Variants in AKAP7 observed in about 807,000 individuals in gnomAD.
AKAP7 encodes the protein A-kinase anchoring protein 7, also known as A kinase (PRKA) anchor protein 7.
AKAP7 carries 39 observed loss-of-function variants against 39.5 expected under a neutral mutation model. The observed-to-expected ratio is 0.99, with a 90% CI of 0.76 to 1.29. The LOEUF (loss-of-function observed/expected upper bound fraction) is 1.29. AKAP7 is among the 50% of genes most tolerant of loss of function. AKAP7 has a pLI of 0.00. For synonymous variants in AKAP7, 140 were observed against 139.1 expected (o/e 1.01, Z -0.05); for missense variants, 414 against 407.7 (o/e 1.02, Z -0.13).
intron 5 of AKAP7, among the ~76,000 whole-genome samples, chr6:131,173,030 C>G (rs1291704488): frequency 6.6e-6 from 1 of 151,584 alleles, no homozygotes; most frequent in African/African-American, 2.4e-5. Flanking sequence ...ATGGTGAAAC[C>G]CCGTCTCTAT....
chr6:131,219,479 G>C (rs1372092136), intron 6 of AKAP7, among the ~76,000 whole-genome samples, 182 bp from the exon 7 acceptor site: 1 of 152,000 alleles, frequency 6.6e-6, no homozygotes, highest in African/African-American at 2.4e-5. Flanking sequence ...ACTCCTTCTA[G>C]GTAGGGAGAC....
At chr6:131,252,347 C>T (rs1301493397) in intron 7 of AKAP7, among the ~76,000 whole-genome samples, 2 of 152,108 alleles carry the variant, frequency 1.3e-5, no homozygotes, top group African/African-American at 4.8e-5. Context: ...CATTTGCACC[C>T]CTGCCCCCAT....
intron 3 of AKAP7, among the ~76,000 whole-genome samples, chr6:131,160,696 C>A (rs1338443478): frequency 1.3e-5 from 2 of 152,182 alleles, no homozygotes; most frequent in Non-Finnish European, 2.9e-5. Flanking sequence ...ACTGGGGTTT[C>A]TTGCTGCTTA....
chr6:131,231,985 G>T (rs554707460), intron 7 of AKAP7, among the ~76,000 whole-genome samples: 6 of 152,142 alleles, frequency 3.9e-5, no homozygotes, highest in Non-Finnish European at 8.8e-5. Context: ...AAAGTTAGAC[G>T]AAGCTTTGGG....
At chr6:131,133,544 C>T (rs1009994909), upstream of AKAP7, among the ~76,000 whole-genome samples, 4 of 152,180 alleles carry the variant, frequency 2.6e-5, no homozygotes, top group Non-Finnish European at 5.9e-5. Context: ...TGATAAGACT[C>T]TGTATTCATA....
intron 1 of AKAP7, among the ~76,000 whole-genome samples, chr6:131,141,839 A>C (rs1387164102): frequency 1.3e-5 from 2 of 151,858 alleles, no homozygotes; most frequent in African/African-American, 4.8e-5. Flanking sequence ...GATCTGTGGA[A>C]GTTTGAACTT....
intron 5 of AKAP7, among the ~76,000 whole-genome samples, chr6:131,198,481 G>GT (rs1483238063): frequency 6.6e-6 from 1 of 152,206 alleles, no homozygotes; most frequent in South Asian, 2.1e-4. Context: ...CTTGGAAATA[G>GT]TTTTTTGTTT....
At chr6:131,145,889 A>G (rs1437572673) in intron 2 of AKAP7, among the ~76,000 whole-genome samples, 1 of 152,040 alleles carries the variant, frequency 6.6e-6, no homozygotes, top group Non-Finnish European at 1.5e-5. Flanking sequence ...GTCTATATCT[A>G]TTGGTATAAT....
chr6:131,180,962 T>C (rs907741289), intron 5 of AKAP7, among the ~76,000 whole-genome samples: 9 of 151,956 alleles, frequency 5.9e-5, no homozygotes, highest in African/African-American at 1.9e-4. Flanking sequence ...TATGTTTCTC[T>C]TTTTTTTGAA....
chr6:131,186,335 C>G (rs1283167755), intron 5 of AKAP7, among the ~76,000 whole-genome samples: 1 of 152,218 alleles, frequency 6.6e-6, no homozygotes, highest in African/African-American at 2.4e-5. Context: ...TGAGGCCTCC[C>G]CAGAAGGAGA....
intron 7 of AKAP7, among the ~76,000 whole-genome samples, chr6:131,267,459 G>A (rs1813897431): frequency 6.6e-6 from 1 of 152,168 alleles, no homozygotes; most frequent in Non-Finnish European, 1.5e-5. Context: ...AATAATTTGT[G>A]TATGTCTTAG....
At chr6:131,135,235 A>T (rs1191695217), upstream of AKAP7, among the ~76,000 whole-genome samples, 3 of 152,216 alleles carry the variant, frequency 2.0e-5, no homozygotes, top group Non-Finnish European at 4.4e-5. Flanking sequence ...CGCCCTTGAA[A>T]GCGTGGGAGG....
upstream of AKAP7, among the ~76,000 whole-genome samples, chr6:131,133,654 A>T (rs1800376731): frequency 6.6e-6 from 1 of 152,230 alleles, no homozygotes; most frequent in South Asian, 2.1e-4. Flanking sequence ...ACAGGGGAAG[A>T]AAAATCTTTC....
chr6:131,180,236 T>A (rs923138093), intron 5 of AKAP7, among the ~76,000 whole-genome samples: 5 of 152,246 alleles, frequency 3.3e-5, no homozygotes, highest in African/African-American at 1.2e-4. Context: ...GTCCTTTATC[T>A]AGTTAAGACT....
chr6:131,282,607 T>C lies in AKAP7; in HGVS notation c.*881T>C, dbSNP rs1354623538. On this transcript the variant is annotated 3_prime_UTR_variant, in exon 8 of 8. Coordinates refer to ENST00000431975, the MANE Select transcript of AKAP7 (RefSeq NM_016377.4). The stretch of plus-strand genomic sequence containing the variant: ...ATTTCAGCACAACTTTGACATAAGC[T>C]CTACATTGCGATTGTGACAACATAG... 1 of 1,530,512 alleles carries C rather than the reference T, an allele frequency of 6.5e-7. No individual in the cohort carries two copies. Among genetic ancestry groups the C allele is most frequent in the Admixed American group, 2.0e-5 (1 of 50,810 alleles). 94.8% of individuals were successfully genotyped at this position (1,530,512 alleles called of 1,614,324 possible).
chr6:131,145,175 CAG>C (rs1165036246), intron 1 of AKAP7, 108 bp from the exon 2 acceptor site: 25 of 718,636 alleles, frequency 3.5e-5, no homozygotes, highest in African/African-American at 2.4e-4. Context: ...CATTTCTTAA[CAG>C]ATGTTAATTT....
chr6:131,150,570 C>G (rs1329923979), intron 2 of AKAP7, among the ~76,000 whole-genome samples: 1 of 152,094 alleles, frequency 6.6e-6, no homozygotes, highest in Admixed American at 6.6e-5. Flanking sequence ...AGGCAAATAT[C>G]TGCCCCAAAT....
chr6:131,252,935 G>A, intron 7 of AKAP7: 1 of 1,118,666 alleles, frequency 8.9e-7, no homozygotes, highest in Non-Finnish European at 1.3e-6. Context: ...GTAACAGGCG[G>A]TGGCCCTAGA....
At chr6:131,240,221 G>A (rs4333437) in intron 7 of AKAP7, among the ~76,000 whole-genome samples, 8,669 of 152,280 alleles carry the variant, frequency 0.057, 351 homozygotes, top group Middle Eastern at 0.12. Flanking sequence ...GCAGAACAGC[G>A]GATATTGGTG....
Sources: gnomAD v4.1 joint callset for allele counts (sites outside exome capture counted in the v4.1 genomes callset) on GRCh38, gnomAD v4.1.1 for gene constraint, MANE v1.5 for transcripts, NCBI Gene and HGNC (gene_info 2026-07-23, HGNC 2026-07-21) for gene names.